The following VAPA variants were observed in gnomAD, a reference collection of about 807,000 sequenced individuals.
VAPA encodes the protein VAMP associated protein A.
In VAPA, 6 loss-of-function variants were observed where a neutral mutation model predicts 25.6. The ratio of observed to expected loss-of-function variants is 0.23; its 90% CI spans 0.13 to 0.46. The LOEUF (loss-of-function observed/expected upper bound fraction) is 0.46, where lower values mean the gene tolerates loss of function less well. VAPA is among the 20% of genes least tolerant of loss of function. The pLI is 0.99. For synonymous variants in VAPA, 112 were observed against 106.2 expected, an observed-to-expected ratio of 1.05 and a Z score of -0.34; for missense variants, 244 against 302.1, an observed-to-expected ratio of 0.81 and a Z score of 1.43.
At chr18:9,950,703 T>A in intron 5 of VAPA, 135 bp downstream of exon 5, 1 of 812,518 alleles carries the variant, frequency 1.2e-6, no homozygotes, top group Non-Finnish European at 1.9e-6. Context: ...GTGCCTTTGC[T>A]CCCCACCCTA....
rs1231105225 is a variant in VAPA, at chr18:9,955,732, C to A, written c.*1521C>A. On this transcript the variant is annotated 3_prime_UTR_variant, in exon 6 of 6. Coordinates refer to ENST00000400000, the MANE Select transcript of VAPA (RefSeq NM_194434.3). ...CAACTGTGTTTTGAATTTGTCAGAT[C>A]ACACATATATTGTGTTATTGGGCGC... 1 of 152,138 alleles carries A rather than the reference C, an allele frequency of 6.6e-6. No individual in the cohort carries two copies. The highest frequency in any genetic ancestry group is 1.9e-4 in the East Asian group (1 of 5,196). 9.4% of individuals were successfully genotyped at this position (152,138 alleles called of 1,614,324 possible).
intron 4 of VAPA, among the ~76,000 whole-genome samples, chr18:9,940,391 A>G (rs1473350035): frequency 6.6e-6 from 1 of 152,084 alleles, no homozygotes; most frequent in Non-Finnish European, 1.5e-5. Context: ...ATGGTATTTC[A>G]CAACTATAAT....
At chr18:9,939,052 A>G (rs947587671) in intron 4 of VAPA, among the ~76,000 whole-genome samples, 1 of 152,234 alleles carries the variant, frequency 6.6e-6, no homozygotes, top group Non-Finnish European at 1.5e-5. Flanking sequence ...GCCTTTAAAA[A>G]TTTAGTATAT....
Position 9,955,802 on chromosome 18 carries a change from TA to T in VAPA, c.*1595del, listed in dbSNP as rs904618501. The T allele has an allele frequency of 6.6e-6, 1 of 152,206 alleles. No individual in the cohort carries two copies. Among genetic ancestry groups the T allele is most frequent in the Non-Finnish European group, 1.5e-5 (1 of 68,030 alleles). The allele number at this position is 152,206 out of a possible 1,614,324, so 9.4% of individuals were successfully genotyped here. ...CCTCTTGCTTGTGTGCAAAAGTTCC[TA>T]AAAGGAAACACAAGTAATGCCTATC... On this transcript the variant is annotated 3_prime_UTR_variant, in exon 6 of 6. Transcript: ENST00000400000.
chr18:9,937,886 G>A (rs1486112168), intron 4 of VAPA, among the ~76,000 whole-genome samples: 1 of 152,172 alleles, frequency 6.6e-6, no homozygotes, highest in Non-Finnish European at 1.5e-5. Flanking sequence ...GATTAAATAT[G>A]TGGGCTCAGT....
chr18:9,914,708 G>T (rs1263031521), intron 1 of VAPA: 1 of 151,722 alleles, frequency 6.6e-6, no homozygotes, highest in East Asian at 1.9e-4. Flanking sequence ...AGAGGCCGAC[G>T]GCGTGCTTCG....
In VAPA at chr18:9,937,154, A is replaced by G. The variant is rs1599108603; in HGVS notation, c.417+88A>G. 1.2e-5 allele frequency: 11 copies of G among 905,536 alleles called. No homozygotes were observed. The East Asian group carries it at 3.7e-4, about 31-fold the overall frequency. 56.1% of individuals were successfully genotyped at this position (905,536 alleles called of 1,614,324 possible). On this transcript the variant is annotated intron_variant, in intron 4 of 5. Coordinates refer to ENST00000400000, the MANE Select transcript of VAPA (RefSeq NM_194434.3). Reference sequence around the variant, plus strand: ...TGCTTTTATTTTTGACCTTTGAGGTATGTGTGATATGGCTATTACACTTCA... The same window carrying G: ...TGCTTTTATTTTTGACCTTTGAGGTGTGTGTGATATGGCTATTACACTTCA...
chr18:9,914,246 C>T lies in VAPA; in HGVS notation c.-11C>T, dbSNP rs1165375058. ...GCCGCGGGCGCGCCCCCGCTCTGCG[C>T]TGTCTCTCCGATGGCGTCCGCCTCA... On this transcript the variant is annotated 5_prime_UTR_variant, in exon 1 of 6. Transcript: ENST00000400000. 3 of 1,578,186 alleles carry T rather than the reference C, an allele frequency of 1.9e-6. No homozygotes were observed. The highest frequency in any genetic ancestry group is 2.8e-5 in the African/African-American group (2 of 70,742).
At chr18:9,922,136 T>A (rs980821607) in intron 1 of VAPA, among the ~76,000 whole-genome samples, 1 of 152,012 alleles carries the variant, frequency 6.6e-6, no homozygotes, top group African/African-American at 2.4e-5. Context: ...AGCTAATTAT[T>A]ATATGTTTTA....
intron 1 of VAPA, among the ~76,000 whole-genome samples, chr18:9,921,433 A>G (rs1455775461): frequency 6.6e-6 from 1 of 152,196 alleles, no homozygotes; most frequent in Non-Finnish European, 1.5e-5. Flanking sequence ...AGAAAATGCT[A>G]TTTTTCTGTG....
In VAPA at chr18:9,957,120, C is replaced by T. The variant is rs1463101130; in HGVS notation, c.*2909C>T. 6.6e-6 allele frequency: 1 copy of T among 152,052 alleles called. No homozygotes were observed. Among genetic ancestry groups the T allele is most frequent in the Non-Finnish European group, 1.5e-5 (1 of 68,026 alleles). 9.4% of individuals were successfully genotyped at this position (152,052 alleles called of 1,614,324 possible). The stretch of plus-strand genomic sequence containing the variant: ...GATCTCACCTCACTGCAGCTTCCGC[C>T]TCCTGGGTTCAAGTGATTCTCATGG... On this transcript the variant is annotated 3_prime_UTR_variant, in exon 6 of 6. Transcript: ENST00000400000.
At chr18:9,938,139 G>T (rs959169952) in intron 4 of VAPA, among the ~76,000 whole-genome samples, 1 of 152,056 alleles carries the variant, frequency 6.6e-6, no homozygotes, top group African/African-American at 2.4e-5. Context: ...AGCTTGCCCA[G>T]CTCTTACTGT....
chr18:9,946,711 ATGAG>A (rs1299532711), intron 4 of VAPA, among the ~76,000 whole-genome samples: 1 of 152,038 alleles, frequency 6.6e-6, no homozygotes, highest in Non-Finnish European at 1.5e-5. Flanking sequence ...GGGTCAGTGA[ATGAG>A]TGGTGAGTGA....
At chr18:9,940,512 A>C (rs1241379598) in intron 4 of VAPA, among the ~76,000 whole-genome samples, 1 of 152,160 alleles carries the variant, frequency 6.6e-6, no homozygotes, top group Non-Finnish European at 1.5e-5. Flanking sequence ...TGCTTCTTCA[A>C]ATGGTAAAAT....
chr18:9,925,669 A>T (rs1414299384), intron 1 of VAPA, among the ~76,000 whole-genome samples: 1 of 152,116 alleles, frequency 6.6e-6, no homozygotes, highest in Non-Finnish European at 1.5e-5. Flanking sequence ...AGTAAGGGTA[A>T]ATTCAAGTGA....
intron 1 of VAPA, chr18:9,915,019 T>G (rs1263978069): frequency 6.6e-6 from 1 of 152,462 alleles, no homozygotes; most frequent in Non-Finnish European, 1.5e-5. Context: ...GGAGAGTCCT[T>G]GGAGGTGCCT....
intron 4 of VAPA, 28 bp downstream of exon 4, chr18:9,937,094 G>A: frequency 6.3e-7 from 1 of 1,583,982 alleles, no homozygotes; most frequent in Non-Finnish European, 8.7e-7. Flanking sequence ...AAAAAAATTG[G>A]GAGCTGTTGA....
rs192741056 is a variant in VAPA at position 9,941,030 on chromosome 18, T to C, written c.417+3964T>C. On this transcript the variant is annotated intron_variant, in intron 4 of 5. Coordinates refer to ENST00000400000, the MANE Select transcript of VAPA (RefSeq NM_194434.3). The stretch of plus-strand genomic sequence containing the variant: ...TAGACAGGTGAGCTTGGAAAAATAC[T>C]GTAAATGTCTCCAAGAGGAATCACA... Among the ~76,000 whole-genome samples the C allele has an allele frequency of 7.4e-4, 112 of 152,310 alleles. 1 individual carries two copies. The highest frequency in any genetic ancestry group is 2.6e-3 in the African/African-American group (108 of 41,570).
At chr18:9,928,578 TAACTC>T (rs952789621) in intron 1 of VAPA, among the ~76,000 whole-genome samples, 2 of 152,168 alleles carry the variant, frequency 1.3e-5, no homozygotes, top group Non-Finnish European at 2.9e-5. Flanking sequence ...CAGGGGTTCT[TAACTC>T]TAACTTCATA....
Sources: allele counts gnomAD v4.1 joint callset (sites outside exome capture counted in the v4.1 genomes callset), GRCh38; gene constraint gnomAD v4.1.1; transcripts MANE v1.5; gene names NCBI Gene and HGNC (gene_info 2026-07-23, HGNC 2026-07-21).